The following CCDC171 variants were observed in gnomAD, a reference collection of about 807,000 sequenced individuals.
CCDC171 encodes coiled-coil domain-containing protein 171.
Under a neutral mutation model 168.2 loss-of-function variants are expected in CCDC171, and 177 were observed. The observed-to-expected ratio is 1.05, with a 90% CI of 0.93 to 1.19. CCDC171 has a LOEUF of 1.19. Among genes scored for constraint, CCDC171 ranks in the 50% most tolerant of loss-of-function variants. The pLI is 0.00. For missense variants in CCDC171, 1,991 were observed against 1,539.0 expected, an observed-to-expected ratio of 1.29 and a Z score of -4.91; for synonymous variants, 687 against 540.8, an observed-to-expected ratio of 1.27 and a Z score of -3.75.
In CCDC171 at chr9:15,920,429, C is replaced by A; in HGVS notation, c.3753+7C>A. 1 of 1,581,480 alleles carries A rather than the reference C, an allele frequency of 6.3e-7. No homozygotes were observed. The highest frequency in any genetic ancestry group is 8.6e-7 in the Non-Finnish European group (1 of 1,159,816). On this transcript the variant is annotated splice_region_variant and intron_variant, in intron 25 of 25. Coordinates refer to ENST00000380701, the MANE Select transcript of CCDC171 (RefSeq NM_173550.4). ...AAATGCAAGTTTACAATCAGTAAGTCCTTGTCTAACAATATTTTTATAACT... is the reference window on the plus strand; with the variant it reads ...AAATGCAAGTTTACAATCAGTAAGTACTTGTCTAACAATATTTTTATAACT...
At chr9:15,917,652 T>A (rs1824706692) in intron 24 of CCDC171, among the ~76,000 whole-genome samples, 1 of 151,766 alleles carries the variant, frequency 6.6e-6, no homozygotes, top group Admixed American at 6.6e-5. Flanking sequence ...ATTTATATTA[T>A]TTATTCCTTT....
At chr9:15,805,007 A>T (rs1188207960) in intron 21 of CCDC171, among the ~76,000 whole-genome samples, 2 of 151,810 alleles carry the variant, frequency 1.3e-5, no homozygotes, top group Admixed American at 1.3e-4. Flanking sequence ...CAAGGAATTT[A>T]TCCATTTCTT....
chr9:16,003,531 C>A (rs970594684), intron 3 of CCDC171, among the ~76,000 whole-genome samples: 19 of 152,288 alleles, frequency 1.2e-4, no homozygotes, highest in African/African-American at 4.1e-4. Context: ...AGATTTCAAG[C>A]TGATAACATT....
At chr9:15,717,995 C>G (rs2134135525) in intron 11 of CCDC171, among the ~76,000 whole-genome samples, 1 of 150,898 alleles carries the variant, frequency 6.6e-6, no homozygotes, top group East Asian at 1.9e-4. Context: ...GCTAAGTTAG[C>G]TTGGCCACAG....
chr9:16,010,697 A>G (rs1486585378), intron 3 of CCDC171, among the ~76,000 whole-genome samples: 1 of 151,990 alleles, frequency 6.6e-6, no homozygotes, highest in Non-Finnish European at 1.5e-5. Context: ...CCTAGGTTCA[A>G]CTGCAAGATA....
intron 3 of CCDC171, among the ~76,000 whole-genome samples, chr9:15,578,273 C>A (rs557861827): frequency 6.7e-6 from 1 of 149,326 alleles, no homozygotes; most frequent in Non-Finnish European, 1.5e-5. Context: ...CTTGCTCTGT[C>A]CTTCAGGATG....
At chr9:16,000,062 G>A (rs1832493635) in intron 3 of CCDC171, among the ~76,000 whole-genome samples, 2 of 152,182 alleles carry the variant, frequency 1.3e-5, no homozygotes, top group African/African-American at 4.8e-5. Flanking sequence ...AGACCTGCAA[G>A]ACTTTAAAGA....
intron 6 of CCDC171, among the ~76,000 whole-genome samples, chr9:15,621,527 A>G (rs1172241762): frequency 6.6e-6 from 1 of 152,196 alleles, no homozygotes; most frequent in Non-Finnish European, 1.5e-5. Flanking sequence ...ATAGCCTGCT[A>G]TAGAATAGTA....
At chr9:16,105,389 G>C in the CCDC171 span, among the ~76,000 whole-genome samples, 25 of 152,246 alleles carry the variant, frequency 1.6e-4, no homozygotes, top group African/African-American at 5.5e-4. Context: ...TCCACCTGCT[G>C]TTCCATGTGT....
chr9:15,850,014 A>C (rs1008120203), intron 23 of CCDC171, among the ~76,000 whole-genome samples: 1 of 151,870 alleles, frequency 6.6e-6, no homozygotes, highest in African/African-American at 2.4e-5. Context: ...CCCCCTTCCC[A>C]TTTAAAAAAG....
At chr9:16,085,523 C>G in the CCDC171 span, among the ~76,000 whole-genome samples, 1 of 152,206 alleles carries the variant, frequency 6.6e-6, no homozygotes, top group Non-Finnish European at 1.5e-5. Context: ...AGTGACTGAA[C>G]ACAGGTCTGC....
intron 25 of CCDC171, among the ~76,000 whole-genome samples, chr9:15,927,163 A>C (rs755333456): frequency 6.6e-6 from 1 of 151,708 alleles, no homozygotes; most frequent in Non-Finnish European, 1.5e-5. Flanking sequence ...TTAGCAACAC[A>C]CAATAATAAT....
chr9:15,930,036 GTTGTGTATGTATTAGCATA>G lies in CCDC171; in HGVS notation c.3753+9620_3753+9638del, dbSNP rs1826326995. On this transcript the variant is annotated intron_variant, in intron 25 of 25. Coordinates refer to ENST00000380701, the MANE Select transcript of CCDC171 (RefSeq NM_173550.4). ...GTAGTCTGACTTACGTAACCAATTA[GTTGTGTATGTATTAGCATA>G]TTGTGAGACTTTGAGGTGATGTCTT... 7.2e-5 allele frequency among the ~76,000 whole-genome samples: 11 copies of G among 151,782 alleles called. No individual in the cohort carries two copies. In the South Asian group the frequency reaches 2.3e-3, roughly 31 times the overall value.
At chr9:16,083,166 T>C in the CCDC171 span, among the ~76,000 whole-genome samples, 1 of 152,232 alleles carries the variant, frequency 6.6e-6, no homozygotes, top group East Asian at 1.9e-4. Flanking sequence ...ACAAGGTTTT[T>C]AGTAATGGGT....
chr9:15,959,074 G>A (rs1830096856), intron 25 of CCDC171, among the ~76,000 whole-genome samples: 1 of 152,164 alleles, frequency 6.6e-6, no homozygotes, highest in Admixed American at 6.6e-5. Flanking sequence ...AAGACCGAAG[G>A]TGCCTGAGGC....
intron 10 of CCDC171, among the ~76,000 whole-genome samples, chr9:15,691,716 C>T (rs897737309): frequency 7.9e-5 from 12 of 151,890 alleles, no homozygotes; most frequent in East Asian, 1.9e-4. Flanking sequence ...CTTGCTCTGT[C>T]GCCCAGGCCG....
chr9:15,594,156 T>G lies in CCDC171; in HGVS notation c.659T>G (p.Leu220Ter), dbSNP rs1256418508. The change falls in exon 6 of 26, where the codon TTA becomes TGA. Residue 220 changes from leucine (L) to a stop codon, truncating the protein, a stop_gained. Transcript: ENST00000380701. LOFTEE classifies it high-confidence loss of function. ...CAATGGGAAGCAGAAAGAAGAGAAT[T>G]ACAATTTATAGTACAGGTATTTTAA... ...EEQWEAERRE[L>*]QFIVQEQDTA... 2 of 1,424,844 alleles carry G rather than the reference T, an allele frequency of 1.4e-6. No individual in the cohort carries two copies. Among genetic ancestry groups the G allele is most frequent in the Non-Finnish European group, 2.0e-6 (2 of 1,016,624 alleles). The allele number at this position is 1,424,844 out of a possible 1,614,324, so 88.3% of individuals were successfully genotyped here. A position where few individuals can be genotyped will look rare whatever the true frequency, so the allele number is the denominator to read the frequency against.
chr9:15,596,345 T>C (rs1470650989), intron 6 of CCDC171, among the ~76,000 whole-genome samples: 1 of 151,726 alleles, frequency 6.6e-6, no homozygotes, highest in Admixed American at 6.6e-5. Flanking sequence ...AGGGATCCAG[T>C]TTCAGCTTTC....
chr9:15,553,743 T>C (rs1026149826), intron 1 of CCDC171: 1 of 152,202 alleles, frequency 6.6e-6, no homozygotes, highest in Non-Finnish European at 1.5e-5. Context: ...AGCTTCTACC[T>C]ACCCTCCAGG....
Sources: allele counts gnomAD v4.1 joint callset (sites outside exome capture counted in the v4.1 genomes callset), GRCh38; gene constraint gnomAD v4.1.1; transcripts MANE v1.5; gene names NCBI Gene and HGNC (gene_info 2026-07-23, HGNC 2026-07-21).